Variants in PDE4D observed in about 807,000 individuals in gnomAD.
The protein encoded by PDE4D is 3',5'-cyclic-AMP phosphodiesterase 4D.
In PDE4D, 24 loss-of-function variants were observed where a neutral mutation model predicts 87.4. The ratio of observed to expected loss-of-function variants is 0.27; its 90% CI spans 0.20 to 0.39. The LOEUF (loss-of-function observed/expected upper bound fraction) is 0.39, where lower values mean the gene tolerates loss of function less well. Among genes scored for constraint, PDE4D ranks in the 10% least tolerant of loss-of-function variants. PDE4D has a pLI of 1.00. For missense variants in PDE4D, 714 were observed against 1,041.0 expected (o/e 0.69, Z 4.32); for synonymous variants, 384 against 383.2 (o/e 1.00, Z -0.02).
intron 1 of PDE4D, among the ~76,000 whole-genome samples, chr5:59,675,380 G>A (rs540594552): frequency 2.6e-5 from 4 of 152,150 alleles, no homozygotes; most frequent in South Asian, 2.1e-4. Flanking sequence ...GAGCTGTAGC[G>A]TGAGTTATGA....
intron 1 of PDE4D, among the ~76,000 whole-genome samples, chr5:60,444,459 G>C (rs1308872719): frequency 2.0e-5 from 3 of 152,152 alleles, no homozygotes; most frequent in Non-Finnish European, 4.4e-5. Flanking sequence ...ACCAGTAGAG[G>C]AGGAAGAGTA....
At chr5:60,030,266 A>C (rs1767096459) in intron 2 of PDE4D, among the ~76,000 whole-genome samples, 1 of 151,772 alleles carries the variant, frequency 6.6e-6, no homozygotes, top group South Asian at 2.1e-4. Flanking sequence ...CTGGCTAACA[A>C]GGTGAAACCC....
chr5:59,543,618 C>T (rs1402600823), intron 1 of PDE4D, among the ~76,000 whole-genome samples: 1 of 152,016 alleles, frequency 6.6e-6, no homozygotes, highest in African/African-American at 2.4e-5. Flanking sequence ...ATTAACAGAC[C>T]CAGCTGCTGG....
upstream of PDE4D, among the ~76,000 whole-genome samples, chr5:59,895,002 CATTATTTGAACGATA>C (rs1249724352): frequency 6.6e-6 from 1 of 152,148 alleles, no homozygotes; most frequent in African/African-American, 2.4e-5. Flanking sequence ...ACGTACCATC[CATTATTTGAACGATA>C]ATATATTTAG....
chr5:60,368,454 C>G (rs1760739913), intron 1 of PDE4D, among the ~76,000 whole-genome samples: 2 of 152,182 alleles, frequency 1.3e-5, no homozygotes, highest in South Asian at 4.1e-4. Flanking sequence ...TTTTCTCCCT[C>G]TGGCCACATT....
intron 5 of PDE4D, among the ~76,000 whole-genome samples, chr5:59,152,691 G>C (rs112743986): frequency 0.022 from 3,352 of 152,048 alleles, 137 homozygotes; most frequent in African/African-American, 0.077. Flanking sequence ...ATTTTGAAAT[G>C]TGTTAACCCA....
intron 1 of PDE4D, among the ~76,000 whole-genome samples, chr5:60,304,651 C>CAAAAAAAAAAAAAAAAAAA (rs70975379): frequency 4.0e-4 from 24 of 60,052 alleles, no homozygotes; most frequent in African/African-American, 1.7e-3. Flanking sequence ...GACTCCGTCT[C>CAAAAAAAAAAAAAAAAAAA]AAAAAAAAAA....
At chr5:59,315,676 C>G (rs1234033003) in intron 1 of PDE4D, among the ~76,000 whole-genome samples, 1 of 152,018 alleles carries the variant, frequency 6.6e-6, no homozygotes, top group Non-Finnish European at 1.5e-5. Flanking sequence ...GCGATAAAAC[C>G]CTAGGAATTG....
At chr5:60,293,032 G>GAA (rs397997923) in intron 1 of PDE4D, among the ~76,000 whole-genome samples, 17 of 148,682 alleles carry the variant, frequency 1.1e-4, no homozygotes, top group African/African-American at 4.2e-4. Flanking sequence ...TTTTGAGACA[G>GAA]TTTCACTCTT....
chr5:60,157,850 T>TTCTTTTC (rs1423515915), intron 2 of PDE4D, among the ~76,000 whole-genome samples: 1 of 152,058 alleles, frequency 6.6e-6, no homozygotes, highest in Non-Finnish European at 1.5e-5. Context: ...AACCATTCTT[T>TTCTTTTC]TCTTTTCTTT....
intron 3 of PDE4D, among the ~76,000 whole-genome samples, chr5:59,935,673 C>T (rs1756486955): frequency 1.3e-5 from 2 of 152,100 alleles, no homozygotes; most frequent in South Asian, 4.1e-4. Context: ...ATTGCTAAAA[C>T]CAACTATATC....
At chr5:60,055,431 A>G (rs184526295) in intron 2 of PDE4D, among the ~76,000 whole-genome samples, 20 of 152,198 alleles carry the variant, frequency 1.3e-4, no homozygotes, top group Admixed American at 1.2e-3. Flanking sequence ...GTAAGTTATA[A>G]AATTTGTTTA....
chr5:59,027,390 T>C (rs1756436235), intron 6 of PDE4D, among the ~76,000 whole-genome samples: 1 of 152,212 alleles, frequency 6.6e-6, no homozygotes, highest in Non-Finnish European at 1.5e-5. Flanking sequence ...CTGTACTGTT[T>C]AGAAGGAAGT....
In PDE4D at chr5:59,200,893, T is replaced by A. The variant is rs79508031; in HGVS notation, c.648-7357A>T. Among the ~76,000 whole-genome samples the A allele has an allele frequency of 7.2e-4, 109 of 152,186 alleles. No homozygotes were observed. In the East Asian group the frequency reaches 0.019, roughly 26 times the overall value. ...AATATAGTATGTGACTATTATGGAC[T>A]ACATACTTCCTTATAGAATTAGAGT... On this transcript the variant is annotated intron_variant, in intron 2 of 14. Coordinates refer to ENST00000340635, the MANE Select transcript of PDE4D (RefSeq NM_001104631.2).
Position 59,769,227 on chromosome 5 carries a change from A to G in PDE4D, c.455+123941T>C, listed in dbSNP as rs1292169562. Among the ~76,000 whole-genome samples the G allele has an allele frequency of 5.3e-5, 8 of 152,192 alleles. No homozygotes were observed. In the East Asian group the frequency reaches 1.5e-3, roughly 29 times the overall value. ...CTCCCTCTGTCTCTAGTTAGAACCCAAACAAACAAAAGGTTTCAAAATACT... is the reference window on the plus strand; with the variant it reads ...CTCCCTCTGTCTCTAGTTAGAACCCGAACAAACAAAAGGTTTCAAAATACT... On this transcript the variant is annotated intron_variant, in intron 1 of 14. Transcript: ENST00000340635.
At chr5:59,161,971 A>G (rs1781179176) in intron 5 of PDE4D, among the ~76,000 whole-genome samples, 1 of 152,318 alleles carries the variant, frequency 6.6e-6, no homozygotes, top group African/African-American at 2.4e-5. Flanking sequence ...GATCTGTCAC[A>G]TGGATGAATC....
chr5:59,303,234 T>C (rs530589417), intron 1 of PDE4D, among the ~76,000 whole-genome samples: 8 of 152,242 alleles, frequency 5.3e-5, no homozygotes, highest in Middle Eastern at 3.4e-3. Flanking sequence ...TTTGATGGGA[T>C]TGTTTGTTTT....
chr5:59,049,670 A>G (rs1049714574), intron 5 of PDE4D, among the ~76,000 whole-genome samples: 1 of 152,210 alleles, frequency 6.6e-6, no homozygotes, highest in Non-Finnish European at 1.5e-5. Context: ...CCCCAGAAAA[A>G]TGAGCATAAG....
chr5:60,352,319 A>T lies in PDE4D; in HGVS notation c.-90+135623T>A, dbSNP rs181787318. Among the ~76,000 whole-genome samples, 270 of 152,236 alleles carry T rather than the reference A, an allele frequency of 1.8e-3. 3 individuals are homozygous for T. Among genetic ancestry groups the T allele is most frequent in the Non-Finnish European group, 2.2e-3 (149 of 67,994 alleles). On this transcript the variant is annotated intron_variant, in intron 1 of 16. Transcript: ENST00000502484. ...TTGCATTTCTCTCTTCTCTCTGGAG[A>T]CTGACTAGGATGCACAGTCCTTCTA...
Sources: allele counts gnomAD v4.1 joint callset (sites outside exome capture counted in the v4.1 genomes callset), GRCh38; gene constraint gnomAD v4.1.1; transcripts MANE v1.5; gene names NCBI Gene and HGNC (gene_info 2026-07-23, HGNC 2026-07-21).